Variants in GMDS observed in about 807,000 individuals in gnomAD.
The protein encoded by GMDS is GDP-mannose 4,6 dehydratase.
Under a neutral mutation model 49.9 loss-of-function variants are expected in GMDS, and 20 were observed. The ratio of observed to expected loss-of-function variants is 0.40; its 90% confidence interval spans 0.28 to 0.58. The LOEUF (loss-of-function observed/expected upper bound fraction) is 0.58. Among genes scored for constraint, GMDS ranks in the 20% least tolerant of loss-of-function variants. GMDS has a pLI of 0.42. For synonymous variants in GMDS, 177 were observed against 178.6 expected (o/e 0.99, Z 0.07); for missense variants, 362 against 481.4 (o/e 0.75, Z 2.32).
intron 7 of GMDS, among the ~76,000 whole-genome samples, chr6:1,929,330 A>G (rs1048431637): frequency 6.6e-6 from 1 of 152,254 alleles, no homozygotes; most frequent in African/African-American, 2.4e-5. Flanking sequence ...CAGGGAAAGG[A>G]CAATGTCTCT....
intron 9 of GMDS, among the ~76,000 whole-genome samples, chr6:1,709,525 G>A (rs1486785249): frequency 6.6e-6 from 1 of 152,204 alleles, no homozygotes; most frequent in Non-Finnish European, 1.5e-5. Flanking sequence ...AAGCCACGGT[G>A]GCAAAGGCCA....
intron 3 of GMDS, among the ~76,000 whole-genome samples, chr6:2,116,100 G>A (rs1774833837): frequency 6.6e-6 from 1 of 152,124 alleles, no homozygotes; most frequent in Non-Finnish European, 1.5e-5. Flanking sequence ...GATTTTGGTG[G>A]TAAACTCAGA....
intron 4 of GMDS, among the ~76,000 whole-genome samples, chr6:2,022,872 G>C (rs758245617): frequency 1.3e-5 from 2 of 152,070 alleles, no homozygotes; most frequent in South Asian, 4.1e-4. Flanking sequence ...ACTCCAATAA[G>C]CCCTCTGTCT....
intron 4 of GMDS, among the ~76,000 whole-genome samples, chr6:2,056,037 T>C (rs1196700443): frequency 1.3e-5 from 2 of 152,158 alleles, no homozygotes; most frequent in East Asian, 1.9e-4. Context: ...ACATCATCAA[T>C]GTAAGATAAG....
chr6:2,068,800 A>G (rs1017442827), intron 4 of GMDS, among the ~76,000 whole-genome samples: 3 of 152,340 alleles, frequency 2.0e-5, no homozygotes, highest in East Asian at 1.9e-4. Flanking sequence ...TTCCATGCTC[A>G]TGGGTAGGAA....
rs941557821 is a variant in GMDS at position 1,867,371 on chromosome 6, TACAA to T, written c.771+62728_771+62731del. Among the ~76,000 whole-genome samples, 14 of 152,348 alleles carry T rather than the reference TACAA, an allele frequency of 9.2e-5. 1 individual carries two copies. In the South Asian group the frequency reaches 2.9e-3, roughly 32 times the overall value. ...TTTTACTTATACTACTACAGGGCAA[TACAA>T]ACAATTAGGTGTGTGTTTAAAAAGG... On this transcript the variant is annotated intron_variant, in intron 7 of 10. Transcript: ENST00000380815.
At chr6:1,906,381 C>G (rs1362070840) in intron 7 of GMDS, among the ~76,000 whole-genome samples, 1 of 152,212 alleles carries the variant, frequency 6.6e-6, no homozygotes, top group East Asian at 1.9e-4. Flanking sequence ...TAGGGATTCT[C>G]AGGTACTATT....
chr6:1,951,129 A>C (rs1763320431), intron 6 of GMDS, among the ~76,000 whole-genome samples: 1 of 152,194 alleles, frequency 6.6e-6, no homozygotes, highest in African/African-American at 2.4e-5. Context: ...TTACAGCAAC[A>C]AATAAAGACA....
intron 4 of GMDS, among the ~76,000 whole-genome samples, chr6:2,039,077 C>T (rs1434414009): frequency 6.6e-6 from 1 of 152,108 alleles, no homozygotes; most frequent in East Asian, 1.9e-4. Context: ...TATGGTAGAG[C>T]CTATTGCTCC....
chr6:2,118,441 AAAGTTC>A (rs1774967126), intron 2 of GMDS, among the ~76,000 whole-genome samples: 2 of 152,238 alleles, frequency 1.3e-5, no homozygotes, highest in African/African-American at 4.8e-5. Context: ...CTTATGCTGA[AAAGTTC>A]ATTTGCAGCT....
intron 6 of GMDS, among the ~76,000 whole-genome samples, chr6:1,945,816 A>T (rs1391505691): frequency 6.6e-6 from 1 of 152,262 alleles, no homozygotes; most frequent in African/African-American, 2.4e-5. Context: ...CTGTGAAGAG[A>T]ATCACAGAAA....
At chr6:2,125,420 G>A (rs1351153149) in intron 1 of GMDS, among the ~76,000 whole-genome samples, 1 of 152,072 alleles carries the variant, frequency 6.6e-6, no homozygotes, top group Non-Finnish European at 1.5e-5. Flanking sequence ...GAGCCACCAT[G>A]CCCAGCCCAA....
At chr6:1,684,653 C>A (rs377441850) in intron 9 of GMDS, among the ~76,000 whole-genome samples, 1 of 152,028 alleles carries the variant, frequency 6.6e-6, no homozygotes, top group African/African-American at 2.4e-5. Flanking sequence ...AGAAAAGGGG[C>A]GGTGTTGGGG....
At chr6:2,226,141 G>A (rs1266908229) in intron 1 of GMDS, among the ~76,000 whole-genome samples, 1 of 152,188 alleles carries the variant, frequency 6.6e-6, no homozygotes, top group Non-Finnish European at 1.5e-5. Flanking sequence ...CCAACACTGA[G>A]CCAGGCCATC....
At chr6:2,177,450 T>C (rs1778334287) in intron 1 of GMDS, among the ~76,000 whole-genome samples, 1 of 152,124 alleles carries the variant, frequency 6.6e-6, no homozygotes, top group South Asian at 2.1e-4. Context: ...CTCAACAAAA[T>C]ACTGGCAAAC....
chr6:1,648,532 A>G (rs1763556301), intron 9 of GMDS, among the ~76,000 whole-genome samples: 1 of 152,230 alleles, frequency 6.6e-6, no homozygotes, highest in Non-Finnish European at 1.5e-5. Context: ...ATGTGGGGAA[A>G]ACTTAGAACA....
intron 8 of GMDS, among the ~76,000 whole-genome samples, chr6:1,740,687 A>T (rs202164251): frequency 2.0e-5 from 3 of 149,876 alleles, no homozygotes; most frequent in African/African-American, 7.3e-5. Flanking sequence ...AAGAAGGCCA[A>T]TTTTTTTTTT....
intron 1 of GMDS, among the ~76,000 whole-genome samples, chr6:2,187,902 A>G (rs138438626): frequency 1.6e-3 from 240 of 152,370 alleles, no homozygotes; most frequent in Non-Finnish European, 2.9e-3. Context: ...CAGAATCACT[A>G]TTCAATTCTT....
At chr6:1,999,645 G>C (rs1766532130) in intron 4 of GMDS, among the ~76,000 whole-genome samples, 3 of 149,570 alleles carry the variant, frequency 2.0e-5, no homozygotes, top group Non-Finnish European at 1.5e-5. Context: ...ATCCATTAGA[G>C]ACATCAGAAA....
Sources: gnomAD v4.1 joint callset for allele counts (sites outside exome capture counted in the v4.1 genomes callset) on GRCh38, gnomAD v4.1.1 for gene constraint, MANE v1.5 for transcripts, NCBI Gene and HGNC (gene_info 2026-07-23, HGNC 2026-07-21) for gene names.